The following DCC variants were observed in gnomAD, a reference collection of about 807,000 sequenced individuals.
The protein encoded by DCC is netrin receptor DCC.
Under a neutral mutation model 172.5 loss-of-function variants are expected in DCC, and 58 were observed. The ratio of observed to expected loss-of-function variants is 0.34; its 90% CI spans 0.27 to 0.42. The LOEUF (loss-of-function observed/expected upper bound fraction) is 0.42. Ranked by LOEUF, DCC falls within the 10% of genes least tolerant of loss-of-function variation. The pLI is 1.00. For missense variants in DCC, 1,740 were observed against 1,791.0 expected (o/e 0.97, Z 0.51); for synonymous variants, 709 against 644.5 (o/e 1.10, Z -1.52).
chr18:52,442,321 A>G (rs1027497865), intron 1 of DCC, among the ~76,000 whole-genome samples: 1 of 152,222 alleles, frequency 6.6e-6, no homozygotes, highest in African/African-American at 2.4e-5. Context: ...ATACTTGTTG[A>G]TTATTAATGA....
intron 2 of DCC, among the ~76,000 whole-genome samples, chr18:52,811,318 GTGT>G (rs1460274619): frequency 6.6e-6 from 1 of 152,020 alleles, no homozygotes; most frequent in East Asian, 1.9e-4. Context: ...ACCAGCTCAG[GTGT>G]TGTTATGGGC....
At chr18:53,325,219 GT>G in intron 14 of DCC, among the ~76,000 whole-genome samples, 2 of 103,252 alleles carry the variant, frequency 1.9e-5, no homozygotes, top group African/African-American at 6.9e-5. Flanking sequence ...AAAAAAAAAA[GT>G]TTTATGCTTT....
At chr18:52,877,607 T>A (rs1235109050) in intron 2 of DCC, among the ~76,000 whole-genome samples, 1 of 151,818 alleles carries the variant, frequency 6.6e-6, no homozygotes, top group Non-Finnish European at 1.5e-5. Context: ...CTTTGGAGGT[T>A]GAGGTGGGAG....
chr18:53,224,881 T>G (rs1324880662), intron 12 of DCC, among the ~76,000 whole-genome samples: 1 of 152,158 alleles, frequency 6.6e-6, no homozygotes, highest in Admixed American at 6.6e-5. Context: ...AGTTGGTATA[T>G]GATAATAGTT....
At chr18:53,131,011 A>C (rs1206580440) in intron 7 of DCC, among the ~76,000 whole-genome samples, 2 of 152,122 alleles carry the variant, frequency 1.3e-5, no homozygotes, top group East Asian at 3.9e-4. Flanking sequence ...GTTTCTGAAG[A>C]GTTAAGCCTA....
chr18:52,915,556 G>A (rs781627315), intron 3 of DCC, among the ~76,000 whole-genome samples: 22 of 152,112 alleles, frequency 1.4e-4, no homozygotes, highest in African/African-American at 4.3e-4. Context: ...CTTCTTTAGG[G>A]CATGGGGCCT....
At chr18:52,619,921 C>A (rs1434149725) in intron 1 of DCC, among the ~76,000 whole-genome samples, 1 of 152,074 alleles carries the variant, frequency 6.6e-6, no homozygotes, top group Non-Finnish European at 1.5e-5. Flanking sequence ...ATATCTAGGA[C>A]TTGATTATTA....
At chr18:53,137,302 A>G (rs2043758517) in intron 7 of DCC, among the ~76,000 whole-genome samples, 1 of 152,110 alleles carries the variant, frequency 6.6e-6, no homozygotes, top group Non-Finnish European at 1.5e-5. Context: ...AATCTCTCAG[A>G]TTATTGGCAG....
At chr18:53,101,129 T>C (rs1279826220) in intron 7 of DCC, among the ~76,000 whole-genome samples, 2 of 152,084 alleles carry the variant, frequency 1.3e-5, no homozygotes, top group African/African-American at 4.8e-5. Context: ...GAATAGGAAA[T>C]AATTATAATC....
chr18:53,175,699 C>A (rs1006931168), intron 8 of DCC, among the ~76,000 whole-genome samples: 5 of 152,078 alleles, frequency 3.3e-5, no homozygotes, highest in African/African-American at 1.2e-4. Context: ...AATGGAAGAA[C>A]ATTCCATGCT....
chr18:53,422,507 C>T (rs1461488500), intron 21 of DCC, among the ~76,000 whole-genome samples: 1 of 152,116 alleles, frequency 6.6e-6, no homozygotes, highest in East Asian at 1.9e-4. Flanking sequence ...CATGATCTGT[C>T]ATCAAGAAAG....
chr18:52,582,420 C>T (rs1277633554), intron 1 of DCC, among the ~76,000 whole-genome samples: 1 of 152,102 alleles, frequency 6.6e-6, no homozygotes, highest in Non-Finnish European at 1.5e-5. Context: ...CTTTAATCTC[C>T]CTACTCACAG....
chr18:52,380,650 T>A (rs115889375), intron 1 of DCC, among the ~76,000 whole-genome samples: 1,909 of 152,286 alleles, frequency 0.013, 35 homozygotes, highest in African/African-American at 0.043. Context: ...TTATAAACTT[T>A]GTAGACTGTC....
At chr18:53,137,991 T>C (rs987630705) in intron 7 of DCC, among the ~76,000 whole-genome samples, 1 of 151,656 alleles carries the variant, frequency 6.6e-6, no homozygotes, top group Admixed American at 6.6e-5. Context: ...AACTGTTTTT[T>C]TTTTAAATTT....
chr18:53,121,882 T>C (rs2043488912), intron 7 of DCC, among the ~76,000 whole-genome samples: 1 of 151,922 alleles, frequency 6.6e-6, no homozygotes, highest in South Asian at 2.1e-4. Flanking sequence ...ATTCTACTAT[T>C]AGTGAAAAGA....
At chr18:53,501,754 G>A (rs2046102232) in intron 27 of DCC, among the ~76,000 whole-genome samples, 1 of 152,304 alleles carries the variant, frequency 6.6e-6, no homozygotes, top group Non-Finnish European at 1.5e-5. Context: ...CTGCACCAGT[G>A]ATGTTTAGTT....
intron 1 of DCC, among the ~76,000 whole-genome samples, chr18:52,479,169 C>G (rs951154816): frequency 1.3e-5 from 2 of 152,128 alleles, no homozygotes; most frequent in African/African-American, 4.8e-5. Flanking sequence ...ATTAGTACAG[C>G]AACTGGCTCA....
intron 21 of DCC, among the ~76,000 whole-genome samples, chr18:53,422,666 T>C (rs1177468492): frequency 6.6e-6 from 1 of 152,158 alleles, no homozygotes; most frequent in Admixed American, 6.6e-5. Context: ...ATGTTAATTG[T>C]TTCAAATTTC....
intron 15 of DCC, among the ~76,000 whole-genome samples, chr18:53,345,838 C>A (rs1337421590): frequency 6.6e-6 from 1 of 151,398 alleles, no homozygotes; most frequent in Non-Finnish European, 1.5e-5. Flanking sequence ...TGATGAAAAA[C>A]CATTAGAGTT....
Sources: gnomAD v4.1 joint callset for allele counts (sites outside exome capture counted in the v4.1 genomes callset) on GRCh38, gnomAD v4.1.1 for gene constraint, MANE v1.5 for transcripts, NCBI Gene and HGNC (gene_info 2026-07-23, HGNC 2026-07-21) for gene names.